ISOC1: variants seen among roughly 807,000 people sequenced by gnomAD.
ISOC1 encodes the protein isochorismatase domain containing 1, also known as isochorismatase domain-containing protein 1.
In ISOC1, 33 loss-of-function variants were observed where a neutral mutation model predicts 30.0. The observed-to-expected ratio is 1.10, with a 90% CI of 0.83 to 1.47. The LOEUF (loss-of-function observed/expected upper bound fraction) is 1.47, where lower values mean the gene tolerates loss of function less well. Ranked by LOEUF, ISOC1 falls within the 40% of genes most tolerant of loss-of-function variation. ISOC1 has a pLI of 0.00. For missense variants in ISOC1, 372 were observed against 388.0 expected, an observed-to-expected ratio of 0.96 and a Z score of 0.35; for synonymous variants, 178 against 159.8, an observed-to-expected ratio of 1.11 and a Z score of -0.86.
At chr5:129,095,109 TC>T in intron 1 of ISOC1, 34 bp downstream of exon 1, 1 of 1,499,864 alleles carries the variant, frequency 6.7e-7, no homozygotes, top group Non-Finnish European at 8.9e-7. Context: ...GCTTCCCTGT[TC>T]CCGAGTCGTC....
chr5:129,112,538 TTC>T (rs548893454), intron 4 of ISOC1, among the ~76,000 whole-genome samples: 1 of 152,096 alleles, frequency 6.6e-6, no homozygotes, highest in South Asian at 2.1e-4. Flanking sequence ...ACCATTCCTT[TTC>T]TCTCTCTCAT....
chr5:129,101,425 G>A (rs990990484), intron 1 of ISOC1, among the ~76,000 whole-genome samples: 2 of 151,862 alleles, frequency 1.3e-5, no homozygotes, highest in African/African-American at 4.8e-5. Context: ...GAACCAGAAG[G>A]TGGAGGTTGC....
chr5:129,111,460 A>G, intron 4 of ISOC1, among the ~76,000 whole-genome samples: 1 of 152,148 alleles, frequency 6.6e-6, no homozygotes. Flanking sequence ...CAGTCTGCTG[A>G]TGTACAGCCA....
chr5:129,109,494 A>G (rs1170582405), intron 4 of ISOC1, among the ~76,000 whole-genome samples: 2 of 152,168 alleles, frequency 1.3e-5, no homozygotes, highest in Non-Finnish European at 2.9e-5. Flanking sequence ...ATGTGTAAGT[A>G]TATAACCTCT....
intron 1 of ISOC1, among the ~76,000 whole-genome samples, chr5:129,096,572 A>G (rs1403459464): frequency 1.3e-5 from 2 of 152,328 alleles, no homozygotes; most frequent in African/African-American, 2.4e-5. Flanking sequence ...AGGGAATTGC[A>G]GTTCTTAGGT....
intron 1 of ISOC1, among the ~76,000 whole-genome samples, chr5:129,101,174 A>ATATAT (rs1753566103): frequency 9.7e-6 from 1 of 103,428 alleles, no homozygotes; most frequent in African/African-American, 4.9e-5. Flanking sequence ...AAAAAAAAAA[A>ATATAT]AAAAAAAAAA....
Position 129,113,822 on chromosome 5 carries a change from A to G in ISOC1, c.*821A>G, listed in dbSNP as rs1381022583. The G allele has an allele frequency of 6.6e-6, 1 of 152,150 alleles. No individual in the cohort carries two copies. The highest frequency in any genetic ancestry group is 1.5e-5 in the Non-Finnish European group (1 of 68,010). The allele number at this position is 152,150 out of a possible 1,614,324, so 9.4% of individuals were successfully genotyped here. A position where few individuals can be genotyped will look rare whatever the true frequency, so the allele number is the denominator to read the frequency against. On this transcript the variant is annotated 3_prime_UTR_variant, in exon 5 of 5. Coordinates refer to ENST00000173527, the MANE Select transcript of ISOC1 (RefSeq NM_016048.2). ...GGTGGAATATCATTTTAAAATGTTCATGTTCTGTTCTATATTTTCTTCACC... is the reference window on the plus strand; with the variant it reads ...GGTGGAATATCATTTTAAAATGTTCGTGTTCTGTTCTATATTTTCTTCACC...
intron 1 of ISOC1, among the ~76,000 whole-genome samples, chr5:129,103,781 A>G (rs1289894850): frequency 1.3e-5 from 2 of 152,188 alleles, no homozygotes; most frequent in East Asian, 3.8e-4. Context: ...TATTATTAAT[A>G]ATAGTTATCT....
intron 4 of ISOC1, among the ~76,000 whole-genome samples, chr5:129,111,287 T>G (rs954075075): frequency 1.3e-5 from 2 of 152,122 alleles, no homozygotes; most frequent in African/African-American, 4.8e-5. Flanking sequence ...TGTTTTATTT[T>G]GTTTTTTTTA....
At chr5:129,107,242 T>C (rs915100953) in intron 4 of ISOC1, among the ~76,000 whole-genome samples, 180 bp downstream of exon 4, 2 of 152,206 alleles carry the variant, frequency 1.3e-5, no homozygotes, top group Non-Finnish European at 2.9e-5. Flanking sequence ...CCATATCCTA[T>C]TTTATGTCTC....
intron 1 of ISOC1, among the ~76,000 whole-genome samples, chr5:129,103,356 T>C: frequency 6.6e-6 from 1 of 152,202 alleles, no homozygotes; most frequent in Admixed American, 6.5e-5. Context: ...CATTTAAAAT[T>C]AAGCAAAGAA....
At chr5:129,111,475 A>AG (rs1170487834) in intron 4 of ISOC1, among the ~76,000 whole-genome samples, 1 of 152,184 alleles carries the variant, frequency 6.6e-6, no homozygotes, top group African/African-American at 2.4e-5. Flanking sequence ...CAGCCATTGA[A>AG]GGAAGACTGA....
At chr5:129,097,213 C>A (rs754677183) in intron 1 of ISOC1, among the ~76,000 whole-genome samples, 2 of 151,964 alleles carry the variant, frequency 1.3e-5, no homozygotes, top group Non-Finnish European at 2.9e-5. Context: ...AAAATATTTT[C>A]TCTTCTATAT....
intron 1 of ISOC1, among the ~76,000 whole-genome samples, chr5:129,102,461 T>C (rs549807628): frequency 6.6e-6 from 1 of 152,218 alleles, no homozygotes; most frequent in South Asian, 2.1e-4. Context: ...AACCCATAGC[T>C]AAAATGAAGG....
intron 1 of ISOC1, among the ~76,000 whole-genome samples, chr5:129,097,959 C>T (rs952051752): frequency 6.6e-6 from 1 of 152,088 alleles, no homozygotes; most frequent in Non-Finnish European, 1.5e-5. Context: ...GGATGGTTGG[C>T]CCCTTCTTGA....
chr5:129,103,560 C>T (rs1753596353), intron 1 of ISOC1, among the ~76,000 whole-genome samples: 1 of 152,124 alleles, frequency 6.6e-6, no homozygotes, highest in African/African-American at 2.4e-5. Context: ...ATTAAAGTGC[C>T]AGGGTACTTC....
At chr5:129,096,318 C>T (rs1321258419) in intron 1 of ISOC1, among the ~76,000 whole-genome samples, 3 of 152,094 alleles carry the variant, frequency 2.0e-5, no homozygotes, top group Non-Finnish European at 2.9e-5. Flanking sequence ...GTTTTTTGTA[C>T]CCATTAACAG....
chr5:129,103,393 G>A (rs940587876), intron 1 of ISOC1, among the ~76,000 whole-genome samples: 3 of 152,134 alleles, frequency 2.0e-5, no homozygotes, highest in Admixed American at 6.5e-5. Flanking sequence ...CATATAATAT[G>A]CTTGAGAATT....
In ISOC1 at chr5:129,104,978, C is replaced by T. The variant is rs749289456; in HGVS notation, c.332C>T (p.Thr111Ile). 1 of 1,613,488 alleles carries T rather than the reference C, an allele frequency of 6.2e-7. No homozygotes were observed. The highest frequency in any genetic ancestry group is 1.3e-5 in the African/African-American group (1 of 75,002). ...QIQLTTLGNL[T>I]PSSTVFFCCD... is the part of the protein sequence containing the mutation. ...CAGCTCACTACCCTGGGAAATCTTA[C>T]ACCTTCAAGCACTGTGTTTTTCTGC... Residue 111 changes from threonine (T) to isoleucine (I), a missense_variant, in exon 2 of 5, where the codon ACA (threonine) becomes ATA (isoleucine). Coordinates refer to ENST00000173527, the MANE Select transcript of ISOC1 (RefSeq NM_016048.2).
Sources: allele counts gnomAD v4.1 joint callset (sites outside exome capture counted in the v4.1 genomes callset), GRCh38; gene constraint gnomAD v4.1.1; transcripts MANE v1.5; gene names NCBI Gene and HGNC (gene_info 2026-07-23, HGNC 2026-07-21).